The following POU6F1 variants were observed in gnomAD, a reference collection of about 807,000 sequenced individuals.
The protein encoded by POU6F1 is POU class 6 homeobox 1.
POU6F1 carries 9 observed loss-of-function variants against 28.9 expected under a neutral mutation model. That is an observed-to-expected ratio of 0.31 (90% CI 0.19 to 0.54). The LOEUF is 0.54. Ranked by LOEUF, POU6F1 falls within the 20% of genes least tolerant of loss-of-function variation. The probability of loss-of-function intolerance (pLI) is 0.94; values close to 1 mark genes in which losing one functional copy is unlikely to be tolerated. For missense variants in POU6F1, 338 were observed against 426.1 expected, an observed-to-expected ratio of 0.79 and a Z score of 1.82; for synonymous variants, 173 against 171.1, an observed-to-expected ratio of 1.01 and a Z score of -0.09.
intron 3 of POU6F1, among the ~76,000 whole-genome samples, chr12:51,200,673 C>T (rs950333027): frequency 2.0e-5 from 3 of 152,232 alleles, no homozygotes; most frequent in Middle Eastern, 3.4e-3. Flanking sequence ...GACCAGATCA[C>T]TGGCTTCTTT....
At chr12:51,195,166 C>G (rs2057742590) in intron 8 of POU6F1, among the ~76,000 whole-genome samples, 1 of 152,166 alleles carries the variant, frequency 6.6e-6, no homozygotes. Context: ...CTATGTCGTC[C>G]AGGCTGGAGT....
intron 1 of POU6F1, among the ~76,000 whole-genome samples, chr12:51,215,652 A>G (rs983908222): frequency 6.6e-6 from 1 of 151,270 alleles, no homozygotes; most frequent in Non-Finnish European, 1.5e-5. Context: ...GCGCCCGTCT[A>G]ATTTCTCATT....
At chr12:51,203,231 T>C (rs571837888) in intron 3 of POU6F1, among the ~76,000 whole-genome samples, 2 of 152,258 alleles carry the variant, frequency 1.3e-5, no homozygotes, top group African/African-American at 4.8e-5. Flanking sequence ...GGAAATGAGA[T>C]ATGAAGATGG....
chr12:51,187,966 CTCTG>C lies in POU6F1; in HGVS notation c.*2277_*2280del, dbSNP rs1165545946. The C allele has an allele frequency of 6.6e-6, 1 of 152,220 alleles. No individual in the cohort carries two copies. Among genetic ancestry groups the C allele is most frequent in the Non-Finnish European group, 1.5e-5 (1 of 68,052 alleles). 9.4% of individuals were successfully genotyped at this position (152,220 alleles called of 1,614,324 possible). ...TTTGTTTGTTTGAGACCGAGTCTTG[CTCTG>C]TCACCCAGGCTGGAGTGAAGTAGTG... On this transcript the variant is annotated 3_prime_UTR_variant, in exon 11 of 11. Transcript: ENST00000333640.
chr12:51,208,036 G>T (rs1487955100), intron 1 of POU6F1, among the ~76,000 whole-genome samples: 11 of 151,820 alleles, frequency 7.2e-5, no homozygotes. Flanking sequence ...ACTTTGGGAG[G>T]CCAAGGCAGG....
intron 1 of POU6F1, among the ~76,000 whole-genome samples, chr12:51,212,074 GTTTTT>G (rs1379555089): frequency 9.0e-6 from 1 of 110,802 alleles, no homozygotes; most frequent in South Asian, 2.7e-4. Flanking sequence ...TTTTTTTTTT[GTTTTT>G]TTTGTTTTGT....
In POU6F1 at chr12:51,210,297, G is replaced by A. The variant is rs138588181; in HGVS notation, c.-47-3414C>T. Among the ~76,000 whole-genome samples the A allele has an allele frequency of 3.0e-3, 457 of 152,238 alleles. 1 individual carries two copies. Among genetic ancestry groups the A allele is most frequent in the African/African-American group, 0.01 (427 of 41,544 alleles). ...GCTATGAAAGTCGTTACACATAGAA[G>A]CCATTTGCAAAGAAAATAAGAGGAA... On this transcript the variant is annotated intron_variant, in intron 1 of 10. Coordinates refer to ENST00000333640, the MANE Select transcript of POU6F1 (RefSeq NM_001330422.2).
At chr12:51,194,459 G>A (rs1264442289) in intron 8 of POU6F1, among the ~76,000 whole-genome samples, 2 of 152,018 alleles carry the variant, frequency 1.3e-5, no homozygotes, top group Admixed American at 6.6e-5. Context: ...TGGGCAATGT[G>A]GCAAAACCCT....
chr12:51,209,018 A>C (rs76152244), intron 1 of POU6F1, among the ~76,000 whole-genome samples: 2,962 of 152,256 alleles, frequency 0.019, 104 homozygotes, highest in African/African-American at 0.068. Context: ...TCACCAGACA[A>C]CACCACCTTG....
At chr12:51,198,099 G>A in intron 5 of POU6F1, 76 bp from the exon 6 acceptor site, 1 of 398,716 alleles carries the variant, frequency 2.5e-6, no homozygotes, top group African/African-American at 2.1e-5. Context: ...CAAGGGATCT[G>A]GCACAAGAAG....
Position 51,197,983 on chromosome 12 carries a change from T to C in POU6F1, c.633A>G (p.Gln211=). The change falls in exon 6 of 11, where the codon CAA becomes CAG. Residue 211 remains glutamine, a synonymous_variant. Transcript: ENST00000333640. ...AGGAGGCCTGTACTGGTGCGGCAGCTTGTACCGGTGCCGGAAGAGCGGTGT... is the reference window on the plus strand; with the variant it reads ...AGGAGGCCTGTACTGGTGCGGCAGCCTGTACCGGTGCCGGAAGAGCGGTGT... ...VLNTALPAPV[Q]AAAPVQASST... 1 of 400,046 alleles carries C rather than the reference T, an allele frequency of 2.5e-6. No homozygotes were observed. The highest frequency in any genetic ancestry group is 4.4e-6 in the Non-Finnish European group (1 of 226,866). The allele number at this position is 400,046 out of a possible 1,614,324, so 24.8% of individuals were successfully genotyped here.
chr12:51,194,216 G>A (rs1479549350), intron 8 of POU6F1, among the ~76,000 whole-genome samples: 15 of 151,992 alleles, frequency 9.9e-5, no homozygotes, highest in African/African-American at 3.1e-4. Flanking sequence ...TAGTAGAGAC[G>A]AGGTTTCACC....
At chr12:51,205,453 C>T (rs1037997655) in intron 2 of POU6F1, among the ~76,000 whole-genome samples, 2 of 152,194 alleles carry the variant, frequency 1.3e-5, no homozygotes, top group African/African-American at 4.8e-5. Context: ...GGACCCTGAG[C>T]CTCCTCAGAA....
chr12:51,191,774 A>G lies in POU6F1; in HGVS notation c.1322-10T>C. The G allele has an allele frequency of 6.8e-6, 11 of 1,614,078 alleles. No individual in the cohort carries two copies. Among genetic ancestry groups the G allele is most frequent in the Non-Finnish European group, 9.3e-6 (11 of 1,179,920 alleles). The stretch of plus-strand genomic sequence containing the variant: ...CTTGGAGTATGTGGCTCTAGGCCAG[A>G]GGGAGGGAGCAGGGATGAGTGTGTA... On this transcript the variant is annotated splice_polypyrimidine_tract_variant and intron_variant, in intron 9 of 10. Transcript: ENST00000333640.
chr12:51,195,944 CCCCCCA>C lies in POU6F1; in HGVS notation c.1179+20_1179+25del. The C allele has an allele frequency of 2.6e-6, 2 of 760,434 alleles. No individual in the cohort carries two copies. The highest frequency in any genetic ancestry group is 2.0e-5 in the African/African-American group (1 of 49,428). The allele number at this position is 760,434 out of a possible 1,614,324, so 47.1% of individuals were successfully genotyped here. On this transcript the variant is annotated intron_variant, in intron 8 of 10. Coordinates refer to ENST00000333640, the MANE Select transcript of POU6F1 (RefSeq NM_001330422.2). ...GTGCCAGATAGCAGAGCCTGCCCCACCCCCCACCCCCCCCAGCCCCTGTACCTCACT... is the reference window on the plus strand; with the variant it reads ...GTGCCAGATAGCAGAGCCTGCCCCACCCCCCCCCAGCCCCTGTACCTCACT...
intron 1 of POU6F1, among the ~76,000 whole-genome samples, chr12:51,208,236 C>CGG (rs58339016): frequency 1.3e-4 from 19 of 151,722 alleles, no homozygotes; most frequent in African/African-American, 4.4e-4. Context: ...GCCTGGGAGG[C>CGG]AGAGGTTGCA....
chr12:51,211,865 G>T (rs1490974571), intron 1 of POU6F1, among the ~76,000 whole-genome samples: 1 of 152,098 alleles, frequency 6.6e-6, no homozygotes. Flanking sequence ...AGAGGTCCAG[G>T]GCCATGCAGG....
rs1942337577 is a variant in POU6F1, at chr12:51,190,597, G to A, written c.1491-5C>T. ...GTGATGTCTAGCTTCTCGAACCTGT[G>A]GGCAACCCATACCCAGGAAGAGGCA... On this transcript the variant is annotated splice_region_variant and splice_polypyrimidine_tract_variant and intron_variant, in intron 10 of 10. Coordinates refer to ENST00000333640, the MANE Select transcript of POU6F1 (RefSeq NM_001330422.2). The surrounding 1 kb of genome is among the most constrained non-coding windows in gnomAD (Gnocchi z 4.5). 4.3e-6 allele frequency: 7 copies of A among 1,611,256 alleles called. No homozygotes were observed. The highest frequency in any genetic ancestry group is 5.9e-6 in the Non-Finnish European group (7 of 1,178,156).
At chr12:51,203,660 C>G (rs1260546294) in intron 3 of POU6F1, among the ~76,000 whole-genome samples, 1 of 152,156 alleles carries the variant, frequency 6.6e-6, no homozygotes, top group Non-Finnish European at 1.5e-5. Context: ...GCCTCCTCTT[C>G]TTGGCCCACC....
Sources: gnomAD v4.1 joint callset for allele counts (sites outside exome capture counted in the v4.1 genomes callset) on GRCh38, gnomAD v4.1.1 for gene constraint, Gnocchi (gnomAD v3.1) non-coding constraint, MANE v1.5 for transcripts, NCBI Gene and HGNC (gene_info 2026-07-23, HGNC 2026-07-21) for gene names.